RMDN2: variants seen among roughly 807,000 people sequenced by gnomAD.
RMDN2 encodes the protein regulator of microtubule dynamics protein 2.
A neutral mutation model predicts 52.8 loss-of-function variants in RMDN2; 61 were observed. The observed-to-expected ratio is 1.16, with a 90% CI of 0.94 to 1.43. The LOEUF (loss-of-function observed/expected upper bound fraction) is 1.43, where lower values mean the gene tolerates loss of function less well. RMDN2 is among the 40% of genes most tolerant of loss of function. The probability of loss-of-function intolerance (pLI) is 0.00; values close to 1 mark genes in which losing one functional copy is unlikely to be tolerated. For synonymous variants in RMDN2, 180 were observed against 153.1 expected, an observed-to-expected ratio of 1.18 and a Z score of -1.30; for missense variants, 592 against 475.3, an observed-to-expected ratio of 1.25 and a Z score of -2.28.
chr2:38,039,245 C>G (rs780446970), intron 10 of RMDN2: 1 of 151,956 alleles, frequency 6.6e-6, no homozygotes, highest in Non-Finnish European at 1.5e-5. Flanking sequence ...AACTATGGCT[C>G]AGAGAGGATA....
In RMDN2 at chr2:37,975,248, C is replaced by T. The variant is rs536561919; in HGVS notation, c.664C>T (p.Arg222Cys). The T allele has an allele frequency of 2.9e-5, 46 of 1,610,408 alleles. No homozygotes were observed. The highest frequency in any genetic ancestry group is 1.8e-4 in the East Asian group (8 of 44,796). ...AATAGAGTTTATGTGGCGATTTGCTCGTGCTTATGGAGACATGTATGAACT... is the reference window on the plus strand; with the variant it reads ...AATAGAGTTTATGTGGCGATTTGCTTGTGCTTATGGAGACATGTATGAACT... ...DEIEFMWRFARAYGDMYELST... is the reference protein window; with the variant it reads ...DEIEFMWRFACAYGDMYELST... The change falls in exon 4 of 11, where the codon CGT (arginine) becomes TGT (cysteine). Residue 222 changes from arginine (R) to cysteine (C), a missense_variant. By Grantham distance (180) the Arg-to-Cys change is radical. Transcript: ENST00000354545.
intron 2 of RMDN2, among the ~76,000 whole-genome samples, chr2:37,937,107 G>GT (rs376614842): frequency 6.2e-4 from 94 of 150,896 alleles, no homozygotes; most frequent in Middle Eastern, 6.8e-3. Context: ...TCCAGTTTCA[G>GT]TTTTTTTTTG....
intron 1 of RMDN2, among the ~76,000 whole-genome samples, chr2:37,928,587 C>T (rs1479824758): frequency 6.6e-6 from 1 of 152,182 alleles, no homozygotes; most frequent in African/African-American, 2.4e-5. Context: ...GCTTGCATAA[C>T]CTCCCACCAC....
intron 10 of RMDN2, chr2:38,039,465 C>T (rs1420985393): frequency 6.6e-6 from 1 of 152,214 alleles, no homozygotes; most frequent in African/African-American, 2.4e-5. Context: ...TCGCTGCTAT[C>T]TACAGCCCCC....
At chr2:38,028,847 C>G (rs1679973360) in intron 10 of RMDN2, among the ~76,000 whole-genome samples, 1 of 152,114 alleles carries the variant, frequency 6.6e-6, no homozygotes, top group South Asian at 2.1e-4. Context: ...GGGTCTGAAG[C>G]TCAATGCAGG....
At chr2:37,932,694 C>G (rs1221378883) in intron 2 of RMDN2, among the ~76,000 whole-genome samples, 1 of 111,948 alleles carries the variant, frequency 8.9e-6, no homozygotes, top group African/African-American at 2.8e-5. Flanking sequence ...GGGGCTGACC[C>G]CCCCCACCTC....
In RMDN2 at chr2:38,036,508, T is replaced by G. The variant is rs1350049229; in HGVS notation, c.1714-30474T>G. The G allele has an allele frequency of 3.3e-5, 5 of 152,122 alleles. No individual in the cohort carries two copies. The East Asian group carries it at 7.7e-4, about 23-fold the overall frequency. 9.4% of individuals were successfully genotyped at this position (152,122 alleles called of 1,614,324 possible). Reference sequence around the variant, plus strand: ...CCACATACCCCTCCCCAAGAGAAATTAAGCTGGGAGCCATGGAATTATCAT... The same window carrying G: ...CCACATACCCCTCCCCAAGAGAAATGAAGCTGGGAGCCATGGAATTATCAT... On this transcript the variant is annotated intron_variant, in intron 10 of 10. Transcript: ENST00000234195.
At chr2:38,030,510 T>C (rs2125273170) in intron 10 of RMDN2, 1 of 152,362 alleles carries the variant, frequency 6.6e-6, no homozygotes, top group Non-Finnish European at 1.5e-5. Flanking sequence ...AGATGACTGA[T>C]GATGTTTATT....
Position 37,984,789 on chromosome 2 carries a change from A to G in RMDN2, c.791+3446A>G, listed in dbSNP as rs542795364. ...GTTAGAATGACCTCTAGATGGAGGT[A>G]ATATACCATGTTGTGAATTAACTTT... is the stretch of plus-strand genomic sequence containing the variant. On this transcript the variant is annotated intron_variant, in intron 5 of 10. Transcript: ENST00000354545. Among the ~76,000 whole-genome samples the G allele has an allele frequency of 3.9e-5, 6 of 152,306 alleles. No individual in the cohort carries two copies. The South Asian group carries it at 1.2e-3, about 32-fold the overall frequency.
chr2:37,931,733 A>T (rs1666761233), intron 2 of RMDN2, among the ~76,000 whole-genome samples: 1 of 152,252 alleles, frequency 6.6e-6, no homozygotes, highest in Non-Finnish European at 1.5e-5. Flanking sequence ...CAGATGTTTT[A>T]TGTGGGTTCA....
chr2:37,925,080 G>T (rs1383022433), upstream of RMDN2, among the ~76,000 whole-genome samples: 1 of 152,210 alleles, frequency 6.6e-6, no homozygotes, highest in Non-Finnish European at 1.5e-5. Context: ...GAGCCCAGGC[G>T]GGGGAAAAGG....
At chr2:38,062,354 C>T (rs1326937250) in intron 10 of RMDN2, among the ~76,000 whole-genome samples, 1 of 152,198 alleles carries the variant, frequency 6.6e-6, no homozygotes, top group Non-Finnish European at 1.5e-5. Context: ...TTATTTTACT[C>T]AACATAATTC....
In RMDN2 at chr2:37,973,028, T is replaced by C. The variant is rs78272291; in HGVS notation, c.453-1012T>C. Among the ~76,000 whole-genome samples the C allele has an allele frequency of 1.4e-4, 21 of 152,334 alleles. No homozygotes were observed. In the East Asian group the frequency reaches 3.5e-3, roughly 25 times the overall value. On this transcript the variant is annotated intron_variant, in intron 2 of 10. Coordinates refer to ENST00000354545, the MANE Select transcript of RMDN2 (RefSeq NM_001170791.3). Reference sequence around the variant, plus strand: ...GCTGCAAGTTGTGAAGCTGATTGCATTGCATGCTAGAAAATGAAGAACATT... The same window carrying C: ...GCTGCAAGTTGTGAAGCTGATTGCACTGCATGCTAGAAAATGAAGAACATT...
intron 10 of RMDN2, among the ~76,000 whole-genome samples, chr2:38,032,221 A>G (rs1297039130): frequency 1.3e-5 from 2 of 152,146 alleles, no homozygotes; most frequent in Non-Finnish European, 2.9e-5. Context: ...CCATCGCTCC[A>G]AAAACTTCCC....
At chr2:38,041,482 G>T in intron 10 of RMDN2, among the ~76,000 whole-genome samples, 2 of 117,440 alleles carry the variant, frequency 1.7e-5, no homozygotes, top group African/African-American at 3.3e-5. Flanking sequence ...ATATGATGTT[G>T]AATAAGACTG....
At chr2:38,044,167 A>T (rs1681128714) in intron 10 of RMDN2, among the ~76,000 whole-genome samples, 1 of 152,000 alleles carries the variant, frequency 6.6e-6, no homozygotes, top group Admixed American at 6.6e-5. Flanking sequence ...CTGGATACAG[A>T]ATTCTAAATT....
chr2:37,969,499 A>G (rs1288838702), intron 2 of RMDN2, among the ~76,000 whole-genome samples: 1 of 151,414 alleles, frequency 6.6e-6, no homozygotes. Context: ...TTATAAAATT[A>G]TATTTTCTTG....
intron 10 of RMDN2, among the ~76,000 whole-genome samples, chr2:38,062,774 C>G (rs1374753864): frequency 8.4e-6 from 1 of 119,160 alleles, no homozygotes; most frequent in Non-Finnish European, 2.0e-5. Flanking sequence ...CCCCTTCCCC[C>G]CCCCCACAAC....
At chr2:38,065,896 C>A (rs1682256913) in intron 10 of RMDN2, among the ~76,000 whole-genome samples, 1 of 152,178 alleles carries the variant, frequency 6.6e-6, no homozygotes, top group African/African-American at 2.4e-5. Flanking sequence ...GTGAGGATTC[C>A]CGCACAATGT....
Sources: allele counts gnomAD v4.1 joint callset (sites outside exome capture counted in the v4.1 genomes callset), GRCh38; gene constraint gnomAD v4.1.1; transcripts MANE v1.5; gene names NCBI Gene and HGNC (gene_info 2026-07-23, HGNC 2026-07-21).